SPMIP3: variants seen among roughly 807,000 people sequenced by gnomAD.
SPMIP3 encodes the protein sperm microtubule inner protein 3.
the SPMIP3 span, among the ~76,000 whole-genome samples, chr1:244,374,348 G>A: frequency 5.3e-5 from 8 of 152,002 alleles, no homozygotes; most frequent in South Asian, 2.1e-4. Context: ...GACAGGGCTC[G>A]AGTCCCCCTC....
At chr1:244,376,320 G>T in the SPMIP3 span, 1 of 152,232 alleles carries the variant, frequency 6.6e-6, no homozygotes, top group African/African-American at 2.4e-5. Context: ...CATAACTGAT[G>T]ATGAAGCAGT....
the SPMIP3 span, among the ~76,000 whole-genome samples, chr1:244,354,168 T>C: frequency 2.4e-5 from 3 of 124,698 alleles, no homozygotes; most frequent in East Asian, 8.4e-4. Context: ...ATTTTCCAAA[T>C]CTTACCAGAT....
the SPMIP3 span, among the ~76,000 whole-genome samples, chr1:244,374,147 G>A: frequency 1.1e-4 from 16 of 152,094 alleles, no homozygotes; most frequent in African/African-American, 3.9e-4. Flanking sequence ...AATAAAATGA[G>A]ATGTATTTTA....
the SPMIP3 span, among the ~76,000 whole-genome samples, chr1:244,358,470 A>T: frequency 6.6e-6 from 1 of 151,860 alleles, no homozygotes; most frequent in East Asian, 1.9e-4. Context: ...CTGTAATACC[A>T]GCTAGTCAGG....
At chr1:244,358,208 T>A in the SPMIP3 span, among the ~76,000 whole-genome samples, 2 of 151,726 alleles carry the variant, frequency 1.3e-5, no homozygotes, top group African/African-American at 2.4e-5. Flanking sequence ...CCAGCCTGGG[T>A]GACAGAGCCA....
the SPMIP3 span, among the ~76,000 whole-genome samples, chr1:244,381,839 G>A: frequency 6.6e-6 from 1 of 152,346 alleles, no homozygotes; most frequent in Non-Finnish European, 1.5e-5. Flanking sequence ...GCTGAGGCAG[G>A]AGAATTGCTT....
the SPMIP3 span, among the ~76,000 whole-genome samples, chr1:244,370,270 C>T: frequency 6.6e-6 from 1 of 152,182 alleles, no homozygotes; most frequent in Non-Finnish European, 1.5e-5. Context: ...GAAACTGAGG[C>T]TCCCCACTCC....
the SPMIP3 span, chr1:244,375,264 T>C: frequency 1.2e-6 from 1 of 834,626 alleles, no homozygotes; most frequent in Admixed American, 2.4e-5. Context: ...TGCCAGAAAC[T>C]GGGGACAAAG....
the SPMIP3 span, chr1:244,378,771 T>C: frequency 1.0e-6 from 1 of 986,472 alleles, no homozygotes; most frequent in Non-Finnish European, 1.5e-6. Flanking sequence ...GATATGTGTG[T>C]GTGTGTTTCT....
the SPMIP3 span, among the ~76,000 whole-genome samples, chr1:244,381,213 G>A: frequency 6.6e-6 from 1 of 152,040 alleles, no homozygotes; most frequent in Non-Finnish European, 1.5e-5. Flanking sequence ...AAAAGAAGAG[G>A]TGGCCAGAAA....
At chr1:244,372,665 GA>G in the SPMIP3 span, among the ~76,000 whole-genome samples, 1 of 152,064 alleles carries the variant, frequency 6.6e-6, no homozygotes, top group African/African-American at 2.4e-5. Context: ...GGATGGTCTC[GA>G]ACTCCTGACC....
the SPMIP3 span, among the ~76,000 whole-genome samples, chr1:244,366,047 C>T: frequency 8.5e-5 from 13 of 152,306 alleles, no homozygotes; most frequent in African/African-American, 2.9e-4. Context: ...TTCACCACCT[C>T]GACGGGTCTG....
At chr1:244,357,467 T>TG in the SPMIP3 span, among the ~76,000 whole-genome samples, 1 of 151,498 alleles carries the variant, frequency 6.6e-6, no homozygotes, top group Non-Finnish European at 1.5e-5. Flanking sequence ...CCCAGCACTT[T>TG]GGGGGGGCCA....
At chr1:244,388,543 C>A in the SPMIP3 span, among the ~76,000 whole-genome samples, 3 of 151,772 alleles carry the variant, frequency 2.0e-5, no homozygotes, top group Admixed American at 2.0e-4. Context: ...CTTTTCTAAT[C>A]CAAAGGTTTA....
chr1:244,360,555 C>T, the SPMIP3 span, among the ~76,000 whole-genome samples: 5 of 39,646 alleles, frequency 1.3e-4, no homozygotes, highest in African/African-American at 3.1e-4. Flanking sequence ...CACACACACA[C>T]ACATGCATGC....
the SPMIP3 span, among the ~76,000 whole-genome samples, chr1:244,369,816 A>G: frequency 2.6e-5 from 4 of 151,902 alleles, no homozygotes; most frequent in Non-Finnish European, 5.9e-5. Context: ...TGGCCGCCCC[A>G]CCCTAATCTT....
the SPMIP3 span, among the ~76,000 whole-genome samples, chr1:244,355,684 C>A: frequency 1.3e-5 from 2 of 152,256 alleles, no homozygotes; most frequent in Admixed American, 6.5e-5. Context: ...CCGCGCCCAG[C>A]CCCAAATAAA....
chr1:244,387,306 A>G, the SPMIP3 span, among the ~76,000 whole-genome samples: 1 of 152,216 alleles, frequency 6.6e-6, no homozygotes, highest in East Asian at 1.9e-4. Context: ...TGAAAAAAAA[A>G]AAAAAAGTTT....
the SPMIP3 span, among the ~76,000 whole-genome samples, chr1:244,387,114 C>T: frequency 6.6e-6 from 1 of 152,094 alleles, no homozygotes; most frequent in East Asian, 1.9e-4. Context: ...ACTAGCCTGG[C>T]CAACATGGCA....
Sources: gnomAD v4.1 joint callset for allele counts (sites outside exome capture counted in the v4.1 genomes callset) on GRCh38, gnomAD v4.1.1 for gene constraint, MANE v1.5 for transcripts, NCBI Gene and HGNC (gene_info 2026-07-23, HGNC 2026-07-21) for gene names.